The following WASF2 variants were observed in gnomAD, a reference collection of about 807,000 sequenced individuals.
The protein encoded by WASF2 is actin-binding protein WASF2.
A neutral mutation model predicts 45.0 loss-of-function variants in WASF2; 14 were observed. The ratio of observed to expected loss-of-function variants is 0.31; its 90% CI spans 0.21 to 0.49. The LOEUF is 0.49. Among genes scored for constraint, WASF2 ranks in the 20% least tolerant of loss-of-function variants. WASF2 has a pLI of 0.99. For missense variants in WASF2, 439 were observed against 636.1 expected, an observed-to-expected ratio of 0.69 and a Z score of 3.33; for synonymous variants, 200 against 236.3, an observed-to-expected ratio of 0.85 and a Z score of 1.41.
At chr1:27,427,365 G>A (rs2017000951) in intron 2 of WASF2, among the ~76,000 whole-genome samples, 1 of 152,188 alleles carries the variant, frequency 6.6e-6, no homozygotes, top group South Asian at 2.1e-4. Context: ...GATGTTCTTT[G>A]TCCTATGAAG....
chr1:27,455,897 T>C (rs1445959659), intron 1 of WASF2, among the ~76,000 whole-genome samples: 1 of 152,138 alleles, frequency 6.6e-6, no homozygotes, highest in Non-Finnish European at 1.5e-5. Flanking sequence ...GTGAGCTCTT[T>C]GAGGGAAGGT....
At chr1:27,472,058 C>T (rs1032792038) in intron 1 of WASF2, among the ~76,000 whole-genome samples, 1 of 152,110 alleles carries the variant, frequency 6.6e-6, no homozygotes, top group South Asian at 2.1e-4. Context: ...CAGGGCCAGG[C>T]GCGGTGGCTT....
intron 1 of WASF2, among the ~76,000 whole-genome samples, chr1:27,467,927 T>C (rs1448799742): frequency 6.6e-6 from 1 of 151,678 alleles, no homozygotes; most frequent in South Asian, 2.1e-4. Context: ...ATCTTTTTAA[T>C]GTGCCAAATA....
intron 1 of WASF2, among the ~76,000 whole-genome samples, chr1:27,487,612 TTATA>T (rs1260509721): frequency 2.0e-5 from 2 of 98,588 alleles, no homozygotes; most frequent in Non-Finnish European, 3.7e-5. Context: ...ATAATATATA[TTATA>T]TATATTTTAT....
chr1:27,428,119 C>G (rs1228363398), intron 2 of WASF2, among the ~76,000 whole-genome samples: 1 of 152,186 alleles, frequency 6.6e-6, no homozygotes, highest in East Asian at 1.9e-4. Flanking sequence ...ATGGCTCCAG[C>G]TACTATTTGT....
chr1:27,421,001 C>G (rs943139770), intron 2 of WASF2, among the ~76,000 whole-genome samples: 1 of 152,224 alleles, frequency 6.6e-6, no homozygotes, highest in African/African-American at 2.4e-5. Context: ...ACCACACCTT[C>G]AGGGTGAACT....
intron 1 of WASF2, among the ~76,000 whole-genome samples, chr1:27,437,283 G>A (rs1336772262): frequency 2.6e-5 from 4 of 152,108 alleles, no homozygotes; most frequent in African/African-American, 4.8e-5. Context: ...CTTTTTAGCA[G>A]GATCCATCTG....
chr1:27,449,826 T>C (rs377084229), intron 1 of WASF2, among the ~76,000 whole-genome samples: 7 of 151,770 alleles, frequency 4.6e-5, no homozygotes, highest in African/African-American at 1.7e-4. Context: ...CAGGGTCCAA[T>C]CTGGGACAGA....
Position 27,418,994 on chromosome 1 carries a change from T to C in WASF2, c.225A>G (p.Leu75=), listed in dbSNP as rs1458245387. Residue 75 remains leucine (L), a synonymous_variant, in exon 3 of 9, where the codon CTA becomes CTG. Transcript: ENST00000618852. The part of the protein sequence containing the change: ...VSSLAERVDR[L]QVKVTQLDPK... The stretch of plus-strand genomic sequence containing the variant: ...GATCCAGCTGAGTGACTTTAACCTG[T>C]AGTCGGTCGACCCTCTCAGCAAGGG... 6 of 1,613,910 alleles carry C rather than the reference T, an allele frequency of 3.7e-6. No individual in the cohort carries two copies. The highest frequency in any genetic ancestry group is 4.2e-6 in the Non-Finnish European group (5 of 1,179,988).
chr1:27,469,712 C>T (rs771524806), intron 1 of WASF2, among the ~76,000 whole-genome samples: 9 of 152,112 alleles, frequency 5.9e-5, no homozygotes, highest in Non-Finnish European at 1.0e-4. Context: ...GAGGCCAAGG[C>T]TGGCAGATCA....
At chr1:27,431,265 C>T (rs1326817662) in intron 1 of WASF2, among the ~76,000 whole-genome samples, 7 of 152,142 alleles carry the variant, frequency 4.6e-5, no homozygotes, top group African/African-American at 1.7e-4. Flanking sequence ...CCCCCTTTGA[C>T]CCCATGGGTT....
At chr1:27,457,000 C>T (rs1275411689) in intron 1 of WASF2, among the ~76,000 whole-genome samples, 1 of 151,980 alleles carries the variant, frequency 6.6e-6, no homozygotes, top group South Asian at 2.1e-4. Flanking sequence ...TCTCGGCCCC[C>T]CAAAGTGCTG....
Position 27,420,583 on chromosome 1 carries a change from G to A in WASF2, c.131-1495C>T, listed in dbSNP as rs116520224. On this transcript the variant is annotated intron_variant, in intron 2 of 8. Coordinates refer to ENST00000618852, the MANE Select transcript of WASF2 (RefSeq NM_006990.5). ...TCCCCCAGGTGGAGTGCAGTGGCAC[G>A]CAATCTCAGCTCACTGCAGCCTCTG... Among the ~76,000 whole-genome samples, 880 of 126,160 alleles carry A rather than the reference G, an allele frequency of 7.0e-3. 5 individuals are homozygous for A. The highest frequency in any genetic ancestry group is 0.013 in the Middle Eastern group (2 of 150). The allele number at this position is 126,160 out of a possible 152,430, so 82.8% of individuals were successfully genotyped here.
chr1:27,426,625 C>T (rs2016985529), intron 2 of WASF2, among the ~76,000 whole-genome samples: 1 of 152,066 alleles, frequency 6.6e-6, no homozygotes, highest in African/African-American at 2.4e-5. Context: ...ATTCTCGTGC[C>T]TTAGCCTCCC....
intron 1 of WASF2, among the ~76,000 whole-genome samples, chr1:27,479,505 C>T (rs1385321047): frequency 1.3e-5 from 2 of 152,080 alleles, no homozygotes; most frequent in African/African-American, 4.8e-5. Context: ...TCAAATGTTC[C>T]ATTATTTAGT....
intron 1 of WASF2, among the ~76,000 whole-genome samples, chr1:27,478,106 A>C (rs966273370): frequency 2.0e-5 from 3 of 151,232 alleles, no homozygotes; most frequent in African/African-American, 7.3e-5. Context: ...GAGACTTGGG[A>C]GGCTGAGGCA....
At position 27,406,300 on chromosome 1, in the gene WASF2, T is replaced by G. The variant is rs981991271; in HGVS notation, c.*1889A>C. 1.3e-5 allele frequency: 2 copies of G among 152,376 alleles called. No homozygotes were observed. The highest frequency in any genetic ancestry group is 2.9e-5 in the Non-Finnish European group (2 of 68,060). The allele number at this position is 152,376 out of a possible 1,614,324, so 9.4% of individuals were successfully genotyped here. A position where few individuals can be genotyped will look rare whatever the true frequency, so the allele number is the denominator to read the frequency against. On this transcript the variant is annotated 3_prime_UTR_variant, in exon 9 of 9. Transcript: ENST00000618852. Reference sequence around the variant, plus strand: ...TGCCAAGTCCTGTGCCAGAGACACCTGATGTGTAAAGAGGGAAGAGGGCAC... The same window carrying G: ...TGCCAAGTCCTGTGCCAGAGACACCGGATGTGTAAAGAGGGAAGAGGGCAC...
chr1:27,483,615 G>A (rs1484648739), intron 1 of WASF2, among the ~76,000 whole-genome samples: 1 of 152,080 alleles, frequency 6.6e-6, no homozygotes, highest in Non-Finnish European at 1.5e-5. Flanking sequence ...ACTCCAGCAT[G>A]GGCGGCAGAG....
intron 1 of WASF2, among the ~76,000 whole-genome samples, chr1:27,483,619 G>A (rs777168018): frequency 1.3e-5 from 2 of 151,958 alleles, no homozygotes; most frequent in East Asian, 3.9e-4. Context: ...CAGCATGGGC[G>A]GCAGAGTGAG....
Sources: gnomAD v4.1 joint callset for allele counts (sites outside exome capture counted in the v4.1 genomes callset) on GRCh38, gnomAD v4.1.1 for gene constraint, MANE v1.5 for transcripts, NCBI Gene and HGNC (gene_info 2026-07-23, HGNC 2026-07-21) for gene names.